The following DAB1 variants were observed in gnomAD, a reference collection of about 807,000 sequenced individuals.
DAB1 encodes the protein DAB adaptor protein 1.
In DAB1, 15 loss-of-function variants were observed where a neutral mutation model predicts 64.6. The ratio of observed to expected loss-of-function variants is 0.23; its 90% CI spans 0.16 to 0.36. DAB1 has a LOEUF of 0.36. Ranked by LOEUF, DAB1 falls within the 10% of genes least tolerant of loss-of-function variation. The pLI is 1.00. For synonymous variants in DAB1, 235 were observed against 251.9 expected (o/e 0.93, Z 0.64); for missense variants, 596 against 706.7 (o/e 0.84, Z 1.78).
At chr1:57,781,429 T>C (rs944109833) in intron 6 of DAB1, among the ~76,000 whole-genome samples, 3 of 151,852 alleles carry the variant, frequency 2.0e-5, no homozygotes, top group Non-Finnish European at 4.4e-5. Context: ...GAGGCAAACC[T>C]GACAACAGCT....
intron 7 of DAB1, among the ~76,000 whole-genome samples, chr1:57,449,198 T>C (rs1406906820): frequency 6.6e-6 from 1 of 152,104 alleles, no homozygotes; most frequent in Non-Finnish European, 1.5e-5. Context: ...CTAAGAAATA[T>C]GATAGAACAT....
At chr1:58,289,729 G>A (rs1386301059) in intron 4 of DAB1, among the ~76,000 whole-genome samples, 1 of 152,176 alleles carries the variant, frequency 6.6e-6, no homozygotes, top group East Asian at 1.9e-4. Flanking sequence ...TGACTTTGTA[G>A]TTAATTCATG....
At chr1:58,544,136 T>C (rs1557462184) in intron 1 of DAB1, among the ~76,000 whole-genome samples, 1 of 152,234 alleles carries the variant, frequency 6.6e-6, no homozygotes, top group Non-Finnish European at 1.5e-5. Flanking sequence ...AACTTTTAAG[T>C]AAAGCCAGAA....
intron 4 of DAB1, among the ~76,000 whole-genome samples, chr1:57,117,826 C>T (rs906763726): frequency 6.7e-6 from 1 of 149,152 alleles, no homozygotes; most frequent in Non-Finnish European, 1.5e-5. Context: ...GTCCACTTCC[C>T]TTCTGGTCCT....
At position 57,737,608 on chromosome 1, in the gene DAB1, A is replaced by G. The variant is rs562109043; in HGVS notation, n.552-87943T>C. ...CCTCGTATTATTCTTCATGGGATAC[A>G]ATAGTGAGCAGGAACAATGAGTGAG... is the stretch of plus-strand genomic sequence containing the variant. On this transcript the variant is annotated intron_variant and non_coding_transcript_variant, in intron 6 of 20. Coordinates refer to the DAB1 transcript ENST00000485760. Among the ~76,000 whole-genome samples the G allele has an allele frequency of 2.0e-5, 3 of 152,298 alleles. No homozygotes were observed. The East Asian group carries it at 5.8e-4, about 29-fold the overall frequency.
chr1:57,228,169 C>A (rs1217813401), intron 2 of DAB1, among the ~76,000 whole-genome samples: 1 of 152,198 alleles, frequency 6.6e-6, no homozygotes, highest in Non-Finnish European at 1.5e-5. Flanking sequence ...ATGATATCTG[C>A]AACTTTGTTC....
At chr1:57,234,143 G>C (rs1667913783) in intron 2 of DAB1, among the ~76,000 whole-genome samples, 1 of 152,180 alleles carries the variant, frequency 6.6e-6, no homozygotes, top group Non-Finnish European at 1.5e-5. Context: ...ATATGATTAA[G>C]AATGGCCCGA....
intron 2 of DAB1, among the ~76,000 whole-genome samples, chr1:57,239,636 A>T (rs1421041928): frequency 6.6e-6 from 1 of 152,058 alleles, no homozygotes; most frequent in Non-Finnish European, 1.5e-5. Context: ...CCACTTCCAG[A>T]GTTTCACCTG....
chr1:57,516,693 T>C (rs565926146), intron 7 of DAB1, among the ~76,000 whole-genome samples: 4 of 152,326 alleles, frequency 2.6e-5, no homozygotes, highest in African/African-American at 9.6e-5. Flanking sequence ...GCTCCTTTCA[T>C]GCAGCTAGCT....
intron 6 of DAB1, among the ~76,000 whole-genome samples, chr1:57,784,263 A>G (rs1056477376): frequency 5.9e-5 from 9 of 152,074 alleles, no homozygotes; most frequent in Admixed American, 2.6e-4. Flanking sequence ...GTATGGTGAC[A>G]TGCACCTGTG....
At position 57,281,045 on chromosome 1, in the gene DAB1, G is replaced by C. The variant is rs565762835; in HGVS notation, c.67+9919C>G. Among the ~76,000 whole-genome samples the C allele has an allele frequency of 8.5e-5, 13 of 152,254 alleles. No homozygotes were observed. In the South Asian group the frequency reaches 2.3e-3, roughly 27 times the overall value. On this transcript the variant is annotated intron_variant, in intron 2 of 14. Transcript: ENST00000371236. ...GACTCCTTAGAATCCAGGGGACTCA[G>C]GTGAGATTTTTCGTGGCCGTAAGTT...
chr1:57,722,151 C>T (rs1647158688), intron 6 of DAB1, among the ~76,000 whole-genome samples: 1 of 152,134 alleles, frequency 6.6e-6, no homozygotes, highest in Non-Finnish European at 1.5e-5. Context: ...ATCCAGAAAG[C>T]AGGGAGCAAT....
At chr1:57,028,415 C>A (rs1035991307) in intron 9 of DAB1, among the ~76,000 whole-genome samples, 2 of 152,154 alleles carry the variant, frequency 1.3e-5, no homozygotes, top group Admixed American at 6.5e-5. Context: ...TCTTTATCAG[C>A]AGCATGAAAA....
At chr1:57,950,830 C>G (rs1314646597) in intron 5 of DAB1, among the ~76,000 whole-genome samples, 2 of 152,164 alleles carry the variant, frequency 1.3e-5, no homozygotes, top group African/African-American at 4.8e-5. Context: ...CCTGATGGCA[C>G]TACTGTTATT....
intron 1 of DAB1, among the ~76,000 whole-genome samples, chr1:57,839,672 G>A (rs982410311): frequency 6.6e-6 from 1 of 152,170 alleles, no homozygotes; most frequent in Non-Finnish European, 1.5e-5. Context: ...ACAGTGCTTT[G>A]CAAAGATTAA....
intron 2 of DAB1, among the ~76,000 whole-genome samples, chr1:58,525,151 G>A (rs1018809894): frequency 6.6e-6 from 1 of 151,998 alleles, no homozygotes; most frequent in African/African-American, 2.4e-5. Flanking sequence ...TGTGTTTTAT[G>A]GTAAAAAATT....
chr1:57,634,347 G>A (rs1646026471), intron 7 of DAB1, among the ~76,000 whole-genome samples: 1 of 152,178 alleles, frequency 6.6e-6, no homozygotes, highest in Admixed American at 6.5e-5. Context: ...CTTAATAGTG[G>A]CTCCCTTGGG....
At chr1:57,223,322 C>T (rs139559578) in intron 2 of DAB1, among the ~76,000 whole-genome samples, 243 of 152,238 alleles carry the variant, frequency 1.6e-3, no homozygotes, top group African/African-American at 5.4e-3. Context: ...GAAGAGGGTG[C>T]TTTGTGTGGC....
At chr1:58,180,276 C>CTT (rs1557684483) in intron 4 of DAB1, among the ~76,000 whole-genome samples, 1 of 53,144 alleles carries the variant, frequency 1.9e-5, no homozygotes, top group African/African-American at 8.2e-5. Flanking sequence ...TCTTTTTTTT[C>CTT]TTTTCTTTTT....
Sources: gnomAD v4.1 joint callset for allele counts (sites outside exome capture counted in the v4.1 genomes callset) on GRCh38, gnomAD v4.1.1 for gene constraint, MANE v1.5 for transcripts, NCBI Gene and HGNC (gene_info 2026-07-23, HGNC 2026-07-21) for gene names.